Variants in TBC1D8 observed in about 807,000 individuals in gnomAD.
TBC1D8 encodes BUB2-like protein 1.
In TBC1D8, 65 loss-of-function variants were observed where a neutral mutation model predicts 118.8. The ratio of observed to expected loss-of-function variants is 0.55; its 90% CI spans 0.45 to 0.67. The LOEUF is 0.67. Ranked by LOEUF, TBC1D8 falls within the 30% of genes least tolerant of loss-of-function variation. TBC1D8 has a pLI of 0.00. For missense variants in TBC1D8, 1,376 were observed against 1,471.2 expected, an observed-to-expected ratio of 0.94 and a Z score of 1.06; for synonymous variants, 566 against 595.8, an observed-to-expected ratio of 0.95 and a Z score of 0.73.
At chr2:101,088,522 G>A (rs1675795619) in intron 2 of TBC1D8, among the ~76,000 whole-genome samples, 1 of 151,890 alleles carries the variant, frequency 6.6e-6, no homozygotes, top group Non-Finnish European at 1.5e-5. Flanking sequence ...TCCTGACCTC[G>A]TGATCCACCC....
chr2:101,111,698 T>G (rs1558713661), intron 1 of TBC1D8, among the ~76,000 whole-genome samples: 1 of 152,192 alleles, frequency 6.6e-6, no homozygotes, highest in Non-Finnish European at 1.5e-5. Flanking sequence ...GACTGTCTGA[T>G]TCACACTGAA....
intron 2 of TBC1D8, among the ~76,000 whole-genome samples, chr2:101,071,421 C>T (rs940359238): frequency 1.3e-5 from 2 of 152,096 alleles, no homozygotes; most frequent in African/African-American, 4.8e-5. Context: ...GGTTATTGGG[C>T]CCTGTGGGGA....
intron 2 of TBC1D8, among the ~76,000 whole-genome samples, chr2:101,070,435 TAG>T (rs1206998446): frequency 2.1e-5 from 3 of 143,810 alleles, no homozygotes; most frequent in African/African-American, 7.9e-5. Flanking sequence ...TTTTTTGAGA[TAG>T]AGTCTCACTC....
chr2:101,027,254 G>C (rs1680389068), intron 15 of TBC1D8, 129 bp downstream of exon 15: 6 of 758,012 alleles, frequency 7.9e-6, no homozygotes, highest in Non-Finnish European at 1.3e-5. Context: ...ACAGCTTCAA[G>C]GGGGGCAGCT....
At chr2:101,061,857 AG>A (rs1194423558) in intron 2 of TBC1D8, among the ~76,000 whole-genome samples, 1 of 152,156 alleles carries the variant, frequency 6.6e-6, no homozygotes, top group East Asian at 1.9e-4. Flanking sequence ...TCTTACAATC[AG>A]GAAAGCTTAT....
chr2:101,050,017 C>T (rs999950376), intron 5 of TBC1D8, among the ~76,000 whole-genome samples: 4 of 151,798 alleles, frequency 2.6e-5, no homozygotes, highest in Non-Finnish European at 4.4e-5. Context: ...TTAGTAGAGA[C>T]GGGTTTTCAC....
chr2:101,142,337 G>C (rs141786751), intron 1 of TBC1D8, among the ~76,000 whole-genome samples: 2 of 152,308 alleles, frequency 1.3e-5, no homozygotes, highest in Non-Finnish European at 1.5e-5. Context: ...CAGCATGACA[G>C]AGAAATAAAT....
At chr2:101,013,626 T>A (rs1679398874) in intron 17 of TBC1D8, among the ~76,000 whole-genome samples, 1 of 152,252 alleles carries the variant, frequency 6.6e-6, no homozygotes, top group Admixed American at 6.5e-5. Flanking sequence ...AGGTCTCTCC[T>A]TTATAGCCTT....
At position 101,029,678 on chromosome 2, in the gene TBC1D8, A is replaced by G; in HGVS notation, c.2035T>C (p.Ser679Pro). The G allele has an allele frequency of 1.2e-6, 2 of 1,614,000 alleles. No homozygotes were observed. Among genetic ancestry groups the G allele is most frequent in the South Asian group, 1.1e-5 (1 of 91,082 alleles). The change falls in exon 12 of 20, where the codon TCT becomes CCT. Residue 679 changes from serine (S) to proline (P), a missense_variant. Ser to Pro is a moderately conservative substitution (Grantham distance 74). Coordinates refer to ENST00000409318, the MANE Select transcript of TBC1D8 (RefSeq NM_001330348.2). ...AACAGGGTCAGGAACCACGAGAGAG[A>G]GACGGACGCCAGGGCTGAGAGGTCG... is the stretch of plus-strand genomic sequence containing the variant. ...MNDLSALASV[S>P]LSWFLTLFLS...
chr2:101,084,851 T>A (rs1176228844), intron 2 of TBC1D8, among the ~76,000 whole-genome samples: 16 of 144,948 alleles, frequency 1.1e-4, no homozygotes, highest in African/African-American at 3.9e-4. Context: ...TATTCACTAT[T>A]TTTTTTTTTT....
chr2:101,031,659 G>T (rs1461106211), intron 11 of TBC1D8, among the ~76,000 whole-genome samples: 2 of 152,196 alleles, frequency 1.3e-5, no homozygotes, highest in Non-Finnish European at 2.9e-5. Context: ...CAGGTACCCA[G>T]TGCAGGAGCG....
intron 4 of TBC1D8, among the ~76,000 whole-genome samples, chr2:101,051,159 T>C (rs1241251462): frequency 6.6e-6 from 1 of 152,240 alleles, no homozygotes; most frequent in Non-Finnish European, 1.5e-5. Flanking sequence ...AGTCTACCAA[T>C]GATGGGCATT....
At chr2:101,010,109 A>T (rs1166177807) in intron 19 of TBC1D8, among the ~76,000 whole-genome samples, 3 of 152,098 alleles carry the variant, frequency 2.0e-5, no homozygotes, top group Non-Finnish European at 2.9e-5. Flanking sequence ...TACAGACGTG[A>T]GCCAAAAAGG....
At chr2:101,118,767 G>A (rs1677965903) in intron 1 of TBC1D8, among the ~76,000 whole-genome samples, 1 of 151,662 alleles carries the variant, frequency 6.6e-6, no homozygotes, top group African/African-American at 2.4e-5. Flanking sequence ...CACTCTGGGA[G>A]GCCAAGGCCA....
chr2:101,052,245 G>A (rs1189094879), intron 4 of TBC1D8, among the ~76,000 whole-genome samples: 2 of 152,142 alleles, frequency 1.3e-5, no homozygotes, highest in African/African-American at 2.4e-5. Context: ...CAGAGTATAA[G>A]CAGTTTTTAT....
At chr2:101,033,335 G>C (rs576973991) in intron 10 of TBC1D8, 6 of 673,922 alleles carry the variant, frequency 8.9e-6, no homozygotes, top group African/African-American at 8.9e-5. Flanking sequence ...GGATGGTCTC[G>C]ATCTCCTGAC....
At chr2:101,084,523 C>T (rs1437637529) in intron 2 of TBC1D8, among the ~76,000 whole-genome samples, 2 of 152,122 alleles carry the variant, frequency 1.3e-5, no homozygotes, top group East Asian at 3.9e-4. Flanking sequence ...CGCACCCTAG[C>T]CTGGGCAACA....
intron 19 of TBC1D8, 146 bp from the exon 20 acceptor site, chr2:101,008,419 T>TCTAAA (rs1573843752): frequency 1.5e-6 from 1 of 686,124 alleles, no homozygotes; most frequent in African/African-American, 1.8e-5. Flanking sequence ...GCCTTTCCAC[T>TCTAAA]CTAAACTATT....
chr2:101,037,419 G>A lies in TBC1D8; in HGVS notation c.1452+113C>T, dbSNP rs377513586. The stretch of plus-strand genomic sequence containing the variant: ...CATGAGAACAAGACGGAGGAGGAGC[G>A]TTAGCTTCCCAAAGTCAGGTGCCAC... On this transcript the variant is annotated intron_variant, in intron 8 of 19. Transcript: ENST00000409318. 74 of 1,446,010 alleles carry A rather than the reference G, an allele frequency of 5.1e-5. No individual in the cohort carries two copies. The East Asian group carries it at 9.4e-4, about 18-fold the overall frequency. The allele number at this position is 1,446,010 out of a possible 1,614,324, so 89.6% of individuals were successfully genotyped here.
Sources: allele counts gnomAD v4.1 joint callset (sites outside exome capture counted in the v4.1 genomes callset), GRCh38; gene constraint gnomAD v4.1.1; transcripts MANE v1.5; gene names NCBI Gene and HGNC (gene_info 2026-07-23, HGNC 2026-07-21).